Variants in SRGAP1 observed in about 807,000 individuals in gnomAD.
The protein encoded by SRGAP1 is SLIT-ROBO Rho GTPase activating protein 1.
SRGAP1 carries 43 observed loss-of-function variants against 121.9 expected under a neutral mutation model. The ratio of observed to expected loss-of-function variants is 0.35; its 90% CI spans 0.28 to 0.46. The LOEUF is 0.46. Among genes scored for constraint, SRGAP1 ranks in the 20% least tolerant of loss-of-function variants. The probability of loss-of-function intolerance (pLI) is 1.00; values close to 1 mark genes in which losing one functional copy is unlikely to be tolerated. For synonymous variants in SRGAP1, 447 were observed against 485.4 expected (o/e 0.92, Z 1.04); for missense variants, 1,102 against 1,350.9 (o/e 0.82, Z 2.89).
chr12:63,990,050 A>G lies in SRGAP1; in HGVS notation c.404A>G (p.Asp135Gly). The G allele has an allele frequency of 6.2e-7, 1 of 1,610,042 alleles. No individual in the cohort carries two copies. The highest frequency in any genetic ancestry group is 8.5e-7 in the Non-Finnish European group (1 of 1,178,672). ...VIMRFMQISE[D>G]STRMFKKSKE... Reference sequence around the variant, plus strand: ...ATGCGGTTCATGCAGATAAGTGAGGATTCTACCAGGATGTTTAAAAAGGTA... The same window carrying G: ...ATGCGGTTCATGCAGATAAGTGAGGGTTCTACCAGGATGTTTAAAAAGGTA... The change falls in exon 3 of 22, where the codon GAT (aspartate) becomes GGT (glycine). Residue 135 changes from aspartate to glycine, a missense_variant. Physicochemically the swap from Asp to Gly is moderately conservative, Grantham distance 94. This residue lies in a region of SRGAP1 where 747 missense variants were observed against 929.4 expected (regional missense o/e 0.80). Transcript: ENST00000355086.
At chr12:63,978,650 C>G (rs1043414177) in intron 1 of SRGAP1, among the ~76,000 whole-genome samples, 1 of 151,210 alleles carries the variant, frequency 6.6e-6, no homozygotes, top group African/African-American at 2.4e-5. Flanking sequence ...ATGAGCAATG[C>G]TGCTATTGCA....
At chr12:63,909,166 G>A (rs1367252337) in intron 1 of SRGAP1, among the ~76,000 whole-genome samples, 2 of 152,188 alleles carry the variant, frequency 1.3e-5, no homozygotes, top group South Asian at 2.1e-4. Flanking sequence ...GGGATTACAG[G>A]CATGAGCCAC....
At chr12:63,967,880 A>AGC (rs1215111893) in intron 1 of SRGAP1, among the ~76,000 whole-genome samples, 1 of 152,216 alleles carries the variant, frequency 6.6e-6, no homozygotes, top group Non-Finnish European at 1.5e-5. Context: ...CATCCTGAGA[A>AGC]ACAGTTCCAG....
intron 4 of SRGAP1, chr12:64,038,782 G>T (rs1441053246): frequency 6.6e-6 from 1 of 152,188 alleles, no homozygotes; most frequent in Non-Finnish European, 1.5e-5. Flanking sequence ...TAAATTAGGT[G>T]TATTGAATGG....
chr12:63,948,066 C>T (rs1012330827), intron 1 of SRGAP1, among the ~76,000 whole-genome samples: 2 of 151,778 alleles, frequency 1.3e-5, no homozygotes, highest in East Asian at 3.9e-4. Context: ...TACTTTATTC[C>T]GCAGACATCA....
At chr12:64,066,329 CT>C (rs1197068841) in intron 8 of SRGAP1, among the ~76,000 whole-genome samples, 7 of 152,138 alleles carry the variant, frequency 4.6e-5, no homozygotes, top group African/African-American at 1.7e-4. Flanking sequence ...GTCATGCATA[CT>C]TCTGGACAAA....
chr12:64,095,282 T>G (rs547776142), intron 14 of SRGAP1, 78 bp downstream of exon 14: 17 of 1,277,700 alleles, frequency 1.3e-5, no homozygotes, highest in Non-Finnish European at 1.8e-5. Context: ...GCACCCTTAT[T>G]CTGTATATCC....
chr12:63,985,932 C>T (rs775542216), intron 2 of SRGAP1, among the ~76,000 whole-genome samples: 8 of 152,132 alleles, frequency 5.3e-5, no homozygotes, highest in Non-Finnish European at 1.2e-4. Flanking sequence ...TTTGCAGTTC[C>T]GTTCATTTCA....
chr12:63,905,979 A>G (rs1360254095), intron 1 of SRGAP1, among the ~76,000 whole-genome samples: 3 of 152,206 alleles, frequency 2.0e-5, no homozygotes, highest in Admixed American at 2.0e-4. Context: ...CATCACTGCA[A>G]TGCAGGTGTA....
chr12:64,046,130 G>A (rs909038274), intron 6 of SRGAP1, among the ~76,000 whole-genome samples: 5 of 152,206 alleles, frequency 3.3e-5, no homozygotes, highest in African/African-American at 1.2e-4. Flanking sequence ...TGCAGAGGCA[G>A]AGGTGTGTCT....
intron 1 of SRGAP1, among the ~76,000 whole-genome samples, chr12:63,930,916 A>G (rs541640376): frequency 6.6e-6 from 1 of 152,234 alleles, no homozygotes; most frequent in South Asian, 2.1e-4. Context: ...TATGTAACTA[A>G]TTTTGTTTAT....
intron 18 of SRGAP1, among the ~76,000 whole-genome samples, chr12:64,117,286 A>C (rs1475449603): frequency 6.6e-6 from 1 of 152,288 alleles, no homozygotes; most frequent in Non-Finnish European, 1.5e-5. Context: ...AATTCCTATC[A>C]AGTCTTTTGC....
chr12:64,003,679 T>G (rs1042030544), intron 3 of SRGAP1, among the ~76,000 whole-genome samples: 4 of 151,484 alleles, frequency 2.6e-5, no homozygotes, highest in African/African-American at 9.7e-5. Context: ...TTAAAAAAAA[T>G]GAACAGAGCC....
chr12:63,913,867 T>G (rs1252549214), intron 1 of SRGAP1, among the ~76,000 whole-genome samples: 3 of 151,984 alleles, frequency 2.0e-5, no homozygotes, highest in Non-Finnish European at 4.4e-5. Context: ...TAATTTTTAT[T>G]TTTTTTTCTA....
intron 8 of SRGAP1, among the ~76,000 whole-genome samples, chr12:64,069,258 CAA>C (rs2035597746): frequency 6.6e-6 from 1 of 152,042 alleles, no homozygotes; most frequent in African/African-American, 2.4e-5. Context: ...TGCCTTAAAA[CAA>C]AGAGAAGAGA....
chr12:63,973,909 C>G (rs966286176), intron 1 of SRGAP1, among the ~76,000 whole-genome samples: 2 of 152,164 alleles, frequency 1.3e-5, no homozygotes, highest in African/African-American at 4.8e-5. Flanking sequence ...ATGCCTTGAA[C>G]CTTTGTCAGT....
At chr12:64,130,309 C>T (rs2036764981) in intron 21 of SRGAP1, among the ~76,000 whole-genome samples, 1 of 152,098 alleles carries the variant, frequency 6.6e-6, no homozygotes, top group African/African-American at 2.4e-5. Flanking sequence ...AATCTTAACT[C>T]AATGGCATTG....
rs73124642 is a variant in SRGAP1 at position 63,847,332 on chromosome 12, T to C, written c.67+2449T>C. 9.1e-3 allele frequency among the ~76,000 whole-genome samples: 1,377 copies of C among 151,380 alleles called. 12 individuals carry two copies. Among genetic ancestry groups the C allele is most frequent in the Middle Eastern group, 0.048 (14 of 292 alleles). On this transcript the variant is annotated intron_variant, in intron 1 of 21. Transcript: ENST00000355086. ...AGTGAGACTCTGTCTAATAAATAAA[T>C]AAATAAATAAAGGTATATGTATTTG...
intron 1 of SRGAP1, among the ~76,000 whole-genome samples, chr12:63,857,822 T>A (rs74099338): frequency 0.013 from 1,949 of 152,358 alleles, 48 homozygotes; most frequent in African/African-American, 0.044. Flanking sequence ...GATTTATTTT[T>A]CTTATATTTT....
Sources: allele counts gnomAD v4.1 joint callset (sites outside exome capture counted in the v4.1 genomes callset), GRCh38; gene constraint gnomAD v4.1.1; regional missense constraint gnomAD v4.1.1; transcripts MANE v1.5; gene names NCBI Gene and HGNC (gene_info 2026-07-23, HGNC 2026-07-21).